PRKCE: variants seen among roughly 807,000 people sequenced by gnomAD.
PRKCE encodes protein kinase C epsilon, also known as protein kinase C epsilon type.
PRKCE carries 16 observed loss-of-function variants against 85.4 expected under a neutral mutation model. The ratio of observed to expected loss-of-function variants is 0.19; its 90% confidence interval spans 0.13 to 0.28. The LOEUF (loss-of-function observed/expected upper bound fraction) is 0.28, where lower values mean the gene tolerates loss of function less well. Ranked by LOEUF, PRKCE falls within the 10% of genes least tolerant of loss-of-function variation. PRKCE has a pLI of 1.00. For synonymous variants in PRKCE, 388 were observed against 371.5 expected (o/e 1.04, Z -0.51); for missense variants, 573 against 975.2 (o/e 0.59, Z 5.49).
intron 2 of PRKCE, among the ~76,000 whole-genome samples, chr2:45,884,579 G>A (rs1232884300): frequency 1.3e-5 from 2 of 152,150 alleles, no homozygotes; most frequent in African/African-American, 4.8e-5. Flanking sequence ...ATAAAGGGAG[G>A]CAGCACATGC....
intron 1 of PRKCE, among the ~76,000 whole-genome samples, chr2:45,792,335 A>T (rs1317421285): frequency 6.6e-6 from 1 of 152,206 alleles, no homozygotes; most frequent in South Asian, 2.1e-4. Flanking sequence ...ACCTCTCATG[A>T]GGCCCCACCT....
At chr2:46,101,791 A>G (rs1007938981) in intron 11 of PRKCE, among the ~76,000 whole-genome samples, 1 of 150,560 alleles carries the variant, frequency 6.6e-6, no homozygotes, top group Non-Finnish European at 1.5e-5. Context: ...TCGGTCTCAT[A>G]GCAACACAGA....
In PRKCE at chr2:45,710,880, T is replaced by C. The variant is rs886949136; in HGVS notation, c.348+58432T>C. Among the ~76,000 whole-genome samples, 19 of 152,314 alleles carry C rather than the reference T, an allele frequency of 1.2e-4. No homozygotes were observed. In the East Asian group the frequency reaches 3.5e-3, roughly 28 times the overall value. ...AGGCCAGATGACACAACCTGACTTGTCTAGAGGCTGAACCAGGGGTGCTGG... is the reference window on the plus strand; with the variant it reads ...AGGCCAGATGACACAACCTGACTTGCCTAGAGGCTGAACCAGGGGTGCTGG... On this transcript the variant is annotated intron_variant, in intron 1 of 14. Transcript: ENST00000306156.
chr2:45,681,150 G>T (rs1572923913), intron 1 of PRKCE, among the ~76,000 whole-genome samples: 2 of 151,972 alleles, frequency 1.3e-5, no homozygotes, highest in East Asian at 3.9e-4. Flanking sequence ...TTAGCTGGGT[G>T]TGGTAGCATG....
intron 1 of PRKCE, among the ~76,000 whole-genome samples, chr2:45,667,285 T>A (rs1328920065): frequency 6.6e-6 from 1 of 152,114 alleles, no homozygotes; most frequent in Non-Finnish European, 1.5e-5. Flanking sequence ...CACTCCAGCC[T>A]GGGTAACAGG....
rs535198428 is a variant in PRKCE, at chr2:46,112,396, C to G, written c.1592+26034C>G. Among the ~76,000 whole-genome samples, 9 of 151,850 alleles carry G rather than the reference C, an allele frequency of 5.9e-5. 1 individual carries two copies. The South Asian group carries it at 1.9e-3, about 32-fold the overall frequency. On this transcript the variant is annotated intron_variant, in intron 11 of 14. Coordinates refer to ENST00000306156, the MANE Select transcript of PRKCE (RefSeq NM_005400.3). ...TTTGTTTTATCCACTCCATCTCTGTCTTTTAATTGATGTATTTAGACCATT... is the reference window on the plus strand; with the variant it reads ...TTTGTTTTATCCACTCCATCTCTGTGTTTTAATTGATGTATTTAGACCATT...
intron 2 of PRKCE, among the ~76,000 whole-genome samples, chr2:45,884,974 TATATATATATATA>T (rs1159457967): frequency 3.2e-5 from 2 of 63,174 alleles, no homozygotes; most frequent in East Asian, 9.9e-3. Context: ...TATATATATA[TATATATATATATA>T]TATATATATA....
At chr2:45,795,029 G>T (rs953269695) in intron 1 of PRKCE, among the ~76,000 whole-genome samples, 4 of 152,140 alleles carry the variant, frequency 2.6e-5, no homozygotes, top group African/African-American at 9.7e-5. Context: ...ACCCAGCCCT[G>T]TCTGTTCGAG....
At chr2:46,175,988 C>A (rs1019675077) in intron 14 of PRKCE, among the ~76,000 whole-genome samples, 16 of 152,214 alleles carry the variant, frequency 1.1e-4, no homozygotes, top group African/African-American at 3.9e-4. Context: ...AAAAACTCAC[C>A]GTCTGGAGAT....
chr2:45,915,595 G>A (rs1697707538), intron 2 of PRKCE, among the ~76,000 whole-genome samples: 1 of 152,168 alleles, frequency 6.6e-6, no homozygotes, highest in Non-Finnish European at 1.5e-5. Flanking sequence ...AGGTCCTGAG[G>A]CCTCCTAGAG....
intron 1 of PRKCE, among the ~76,000 whole-genome samples, chr2:45,776,249 G>C (rs73926081): frequency 0.087 from 13,167 of 152,200 alleles, 1,312 homozygotes; most frequent in African/African-American, 0.25. Flanking sequence ...GCGACCTGAT[G>C]AACACCCTCC....
intron 1 of PRKCE, among the ~76,000 whole-genome samples, chr2:45,772,579 C>A (rs1685427373): frequency 6.6e-6 from 1 of 152,138 alleles, no homozygotes; most frequent in Non-Finnish European, 1.5e-5. Flanking sequence ...TCTTTGGGGA[C>A]CCTTGAGACT....
chr2:45,958,178 C>A (rs1701099688), intron 2 of PRKCE, among the ~76,000 whole-genome samples: 1 of 115,760 alleles, frequency 8.6e-6, no homozygotes, highest in African/African-American at 3.5e-5. Flanking sequence ...TAAACCTAAT[C>A]TATTAGGCCC....
intron 1 of PRKCE, among the ~76,000 whole-genome samples, chr2:45,767,661 C>T (rs984069159): frequency 4.6e-5 from 7 of 152,192 alleles, no homozygotes; most frequent in Non-Finnish European, 1.0e-4. Flanking sequence ...ATCAAAGGAA[C>T]GGCCTTACAA....
At chr2:45,710,341 A>G (rs1352358470) in intron 1 of PRKCE, among the ~76,000 whole-genome samples, 1 of 152,214 alleles carries the variant, frequency 6.6e-6, no homozygotes, top group African/African-American at 2.4e-5. Context: ...TCTGGCTTCA[A>G]AGTCCATACC....
chr2:45,896,152 T>C (rs1696124127), intron 2 of PRKCE, among the ~76,000 whole-genome samples: 1 of 152,172 alleles, frequency 6.6e-6, no homozygotes. Context: ...TCTTTGTAGG[T>C]TGATTAAATG....
intron 2 of PRKCE, among the ~76,000 whole-genome samples, chr2:45,879,349 G>A (rs1694711125): frequency 1.3e-5 from 2 of 152,184 alleles, no homozygotes. Flanking sequence ...TCCATTGGCA[G>A]TAAAATCCCC....
chr2:45,719,082 A>G (rs6724488), intron 1 of PRKCE, among the ~76,000 whole-genome samples: 130,008 of 152,260 alleles, frequency 0.85, 55,846 homozygotes, highest in East Asian at 0.94. Context: ...GTGTGGAAAA[A>G]TGGTTTATTA....
intron 2 of PRKCE, among the ~76,000 whole-genome samples, chr2:45,877,105 G>C (rs1694535013): frequency 6.6e-6 from 1 of 151,992 alleles, no homozygotes; most frequent in Admixed American, 6.6e-5. Flanking sequence ...TTGTTTGTTT[G>C]TTGCTAGTAT....
Sources: allele counts gnomAD v4.1 joint callset (sites outside exome capture counted in the v4.1 genomes callset), GRCh38; gene constraint gnomAD v4.1.1; transcripts MANE v1.5; gene names NCBI Gene and HGNC (gene_info 2026-07-23, HGNC 2026-07-21).